Variants in NECTIN1 observed in about 807,000 individuals in gnomAD.
The protein encoded by NECTIN1 is nectin-1.
NECTIN1 carries 23 observed loss-of-function variants against 48.0 expected under a neutral mutation model. The ratio of observed to expected loss-of-function variants is 0.48; its 90% CI spans 0.34 to 0.68. The LOEUF (loss-of-function observed/expected upper bound fraction) is 0.68. NECTIN1 is among the 30% of genes least tolerant of loss of function. The pLI is 0.01. For missense variants in NECTIN1, 591 were observed against 709.9 expected (o/e 0.83, Z 1.90); for synonymous variants, 270 against 288.9 (o/e 0.93, Z 0.66).
intron 1 of NECTIN1, among the ~76,000 whole-genome samples, chr11:119,691,187 C>A (rs2135562223): frequency 6.6e-6 from 1 of 152,336 alleles, no homozygotes; most frequent in East Asian, 1.9e-4. Context: ...ACAACACAAA[C>A]CCGGGTCATG....
intron 5 of NECTIN1, chr11:119,640,041 A>C (rs760214425): frequency 1.3e-6 from 2 of 1,585,818 alleles, no homozygotes; most frequent in African/African-American, 1.3e-5. Context: ...GAAGAGGATT[A>C]GAGAGAGAAA....
At position 119,683,963 on chromosome 11, in the gene NECTIN1, G is replaced by A. The variant is rs868753036; in HGVS notation, c.80-5198C>T. 6.6e-6 allele frequency among the ~76,000 whole-genome samples: 1 copy of A among 152,062 alleles called. No homozygotes were observed. The highest frequency in any genetic ancestry group is 2.1e-4 in the South Asian group (1 of 4,820). ...CCTGAGACGTCACAGACCTGCAAAC[G>A]CCTGAGCTCAGCAACAAAACACAAA... is the stretch of plus-strand genomic sequence containing the variant. On this transcript the variant is annotated intron_variant, in intron 1 of 5. Transcript: ENST00000264025. This position sits in a 1 kb window ranked among gnomAD's most constrained non-coding sequence, Gnocchi z 4.0.
rs1465235974 is a variant in NECTIN1 at position 119,664,029 on chromosome 11, G to A, written c.*718C>T. ...CCCACCTGGAGCCCCTAATGGAGGG[G>A]GCACATTGGGGATAAAGAGGGGACG... On this transcript the variant is annotated 3_prime_UTR_variant, in exon 6 of 6. Transcript: ENST00000264025. 14 of 985,942 alleles carry A rather than the reference G, an allele frequency of 1.4e-5. No homozygotes were observed. Among genetic ancestry groups the A allele is most frequent in the Non-Finnish European group, 1.7e-5 (14 of 830,372 alleles). The allele number at this position is 985,942 out of a possible 1,614,324, so 61.1% of individuals were successfully genotyped here. A position where few individuals can be genotyped will look rare whatever the true frequency, so the allele number is the denominator to read the frequency against.
intron 1 of NECTIN1, among the ~76,000 whole-genome samples, chr11:119,681,411 C>T (rs901873108): frequency 6.6e-5 from 10 of 152,190 alleles, no homozygotes; most frequent in African/African-American, 1.9e-4. Flanking sequence ...GGACCTGCAA[C>T]GGGACACGGC....
intron 5 of NECTIN1, among the ~76,000 whole-genome samples, chr11:119,650,528 C>T (rs576688245): frequency 6.6e-6 from 1 of 152,202 alleles, no homozygotes; most frequent in Non-Finnish European, 1.5e-5. Context: ...TTGTATGGGG[C>T]CTGGGATCCC....
intron 5 of NECTIN1, among the ~76,000 whole-genome samples, chr11:119,650,753 C>T (rs997753513): frequency 6.6e-6 from 1 of 152,104 alleles, no homozygotes; most frequent in African/African-American, 2.4e-5. Flanking sequence ...TCTTCATGTC[C>T]CTGTGTTGGG....
chr11:119,651,646 A>AC (rs1441068987), intron 5 of NECTIN1, among the ~76,000 whole-genome samples: 1 of 151,714 alleles, frequency 6.6e-6, no homozygotes, highest in Non-Finnish European at 1.5e-5. Context: ...GACCATGCCC[A>AC]CCCCAATCCC....
downstream of NECTIN1, among the ~76,000 whole-genome samples, chr11:119,656,574 T>A (rs1864577447): frequency 6.6e-6 from 1 of 152,094 alleles, no homozygotes; most frequent in Non-Finnish European, 1.5e-5. Flanking sequence ...AGAAGCTGGC[T>A]ACTGAGGGGA....
At chr11:119,699,498 A>T (rs1865402653) in intron 1 of NECTIN1, among the ~76,000 whole-genome samples, 1 of 86,160 alleles carries the variant, frequency 1.2e-5, no homozygotes, top group South Asian at 4.8e-4. Flanking sequence ...CCCTGTCCCC[A>T]GCGGCCCGCC....
At chr11:119,646,251 G>A (rs1215151809) in intron 5 of NECTIN1, among the ~76,000 whole-genome samples, 1 of 152,216 alleles carries the variant, frequency 6.6e-6, no homozygotes, top group East Asian at 1.9e-4. Flanking sequence ...GAGGCCCTGA[G>A]CTCTGCAGTC....
chr11:119,680,876 C>T (rs764972177), intron 1 of NECTIN1, among the ~76,000 whole-genome samples: 8 of 152,352 alleles, frequency 5.3e-5, no homozygotes, highest in Middle Eastern at 3.4e-3. Flanking sequence ...GTTGGGAATA[C>T]GATGGGAGAA....
intron 5 of NECTIN1, among the ~76,000 whole-genome samples, chr11:119,646,943 T>C (rs1864403088): frequency 6.6e-6 from 1 of 152,196 alleles, no homozygotes; most frequent in Non-Finnish European, 1.5e-5. Context: ...CGGTGCCTAG[T>C]GAGGGTTGGT....
chr11:119,646,357 T>C (rs1212623102), intron 5 of NECTIN1, among the ~76,000 whole-genome samples: 1 of 152,206 alleles, frequency 6.6e-6, no homozygotes, highest in African/African-American at 2.4e-5. Context: ...CAATATGTAA[T>C]ACGTGGTTGC....
chr11:119,724,118 T>G (rs1865871757), intron 1 of NECTIN1, among the ~76,000 whole-genome samples: 1 of 152,196 alleles, frequency 6.6e-6, no homozygotes, highest in Non-Finnish European at 1.5e-5. Context: ...CCAAAGCTCA[T>G]GCTCACACCC....
At chr11:119,679,965 C>T (rs1348340866) in intron 1 of NECTIN1, among the ~76,000 whole-genome samples, 2 of 152,234 alleles carry the variant, frequency 1.3e-5, no homozygotes, top group Admixed American at 6.5e-5. Context: ...TCTGATTTCT[C>T]CACCAGACTG....
intron 5 of NECTIN1, chr11:119,640,285 C>T (rs1323089494): frequency 7.8e-6 from 4 of 511,636 alleles, no homozygotes; most frequent in South Asian, 2.3e-5. Flanking sequence ...GAGGGTATCT[C>T]CTGGACAGGC....
intron 1 of NECTIN1, among the ~76,000 whole-genome samples, chr11:119,694,488 G>C (rs538933505): frequency 6.1e-4 from 93 of 152,214 alleles, no homozygotes; most frequent in Non-Finnish European, 1.1e-3. Flanking sequence ...AGCAGTTGGT[G>C]GTAGGCAGGC....
At chr11:119,680,862 A>G (rs1555079479) in intron 1 of NECTIN1, among the ~76,000 whole-genome samples, 1 of 152,132 alleles carries the variant, frequency 6.6e-6, no homozygotes, top group Non-Finnish European at 1.5e-5. Flanking sequence ...CAGAGGCCCC[A>G]TGGGTTGGGA....
intron 5 of NECTIN1, among the ~76,000 whole-genome samples, chr11:119,653,522 G>A (rs1332946836): frequency 1.3e-5 from 2 of 152,202 alleles, no homozygotes; most frequent in Non-Finnish European, 2.9e-5. Context: ...ACAGGCTGGT[G>A]GGTCGTGGTG....
Sources: allele counts gnomAD v4.1 joint callset (sites outside exome capture counted in the v4.1 genomes callset), GRCh38; gene constraint gnomAD v4.1.1; non-coding constraint Gnocchi (gnomAD v3.1); transcripts MANE v1.5; gene names NCBI Gene and HGNC (gene_info 2026-07-23, HGNC 2026-07-21).